LRIG1: variants seen among roughly 807,000 people sequenced by gnomAD.
The protein encoded by LRIG1 is leucine rich repeats and immunoglobulin like domains 1.
A neutral mutation model predicts 99.2 loss-of-function variants in LRIG1; 48 were observed. The observed-to-expected ratio is 0.48, with a 90% CI of 0.38 to 0.62. LRIG1 has a LOEUF of 0.62. LRIG1 is among the 20% of genes least tolerant of loss of function. The pLI is 0.00. For synonymous variants in LRIG1, 772 were observed against 596.1 expected (o/e 1.29, Z -4.30); for missense variants, 1,646 against 1,434.4 (o/e 1.15, Z -2.38).
At position 66,382,997 on chromosome 3, in the gene LRIG1, T is replaced by C. The variant is rs1323597992; in HGVS notation, c.2476A>G (p.Ser826Gly). 3 of 1,612,294 alleles carry C rather than the reference T, an allele frequency of 1.9e-6. No homozygotes were observed. The highest frequency in any genetic ancestry group is 1.1e-5 in the South Asian group (1 of 90,862). The change falls in exon 15 of 19, where the codon AGT becomes GGT. Residue 826 changes from serine to glycine, a missense_variant. Ser to Gly is a moderately conservative substitution (Grantham distance 56, BLOSUM62 0). Transcript: ENST00000273261. ...AGGGCCTGACCTGTGTTGGTGACAC[T>C]GTACTCTTCACTCTTCTTCCTGGTC... ...YQTRKKSEEY[S>G]VTNTDETVVP...
intron 1 of LRIG1, among the ~76,000 whole-genome samples, chr3:66,464,829 G>A (rs146221884): frequency 2.3e-3 from 349 of 152,314 alleles, no homozygotes; most frequent in African/African-American, 8.2e-3. Context: ...TTCCCTTAAA[G>A]AGCAGACAAA....
chr3:66,468,223 T>A (rs1047887132), intron 1 of LRIG1, among the ~76,000 whole-genome samples: 2 of 152,128 alleles, frequency 1.3e-5, no homozygotes, highest in Non-Finnish European at 1.5e-5. Context: ...TACTTTTGAG[T>A]AAGCTGTGGT....
In LRIG1 at chr3:66,386,033, G is replaced by C. The variant is rs747208862; in HGVS notation, c.1737C>G (p.Ile579Met). ...FGHEGRYQCV[I>M]TNHFGSTYSH... The stretch of plus-strand genomic sequence containing the variant: ...AATAGGTGGAGCCAAAGTGGTTGGT[G>C]ATGACACATTGGTAGCGGCCCTCGT... The change falls in exon 13 of 19, where the codon ATC (isoleucine) becomes ATG (methionine). Residue 579 changes from isoleucine to methionine, a missense_variant. Transcript: ENST00000273261. 4 of 1,614,098 alleles carry C rather than the reference G, an allele frequency of 2.5e-6. No individual in the cohort carries two copies. Among genetic ancestry groups the C allele is most frequent in the African/African-American group, 1.3e-5 (1 of 74,938 alleles).
intron 3 of LRIG1, among the ~76,000 whole-genome samples, chr3:66,421,453 A>G (rs911917866): frequency 6.6e-6 from 1 of 152,212 alleles, no homozygotes; most frequent in African/African-American, 2.4e-5. Context: ...AAGGGGCTAC[A>G]GGCTCCATGC....
intron 5 of LRIG1, 55 bp downstream of exon 5, chr3:66,414,865 C>A: frequency 1.3e-6 from 2 of 1,486,894 alleles, no homozygotes; most frequent in Non-Finnish European, 1.8e-6. Context: ...TTGGGGAAAT[C>A]TGGCCTCCAT....
intron 13 of LRIG1, among the ~76,000 whole-genome samples, chr3:66,385,303 C>T (rs1482092111): frequency 6.6e-6 from 1 of 152,194 alleles, no homozygotes; most frequent in East Asian, 1.9e-4. Flanking sequence ...CAGTAGCTAG[C>T]CTCTGACTCC....
Position 66,500,660 on chromosome 3 carries a change from T to C in LRIG1, c.-253A>G. On this transcript the variant is annotated 5_prime_UTR_variant, in exon 1 of 19. Transcript: ENST00000273261. ...GGCCGGCCGGCCCGCCCGCGCTAGC[T>C]GCGAACTCCGCCGATTCGGGCAAGG... 3.7e-6 allele frequency: 1 copy of C among 272,984 alleles called. No homozygotes were observed. The highest frequency in any genetic ancestry group is 6.8e-6 in the Non-Finnish European group (1 of 146,480). The allele number at this position is 272,984 out of a possible 1,614,324, so 16.9% of individuals were successfully genotyped here.
At chr3:66,408,085 G>A (rs11713510) in intron 7 of LRIG1, among the ~76,000 whole-genome samples, 6,120 of 152,222 alleles carry the variant, frequency 0.04, 184 homozygotes, top group Non-Finnish European at 0.063. Context: ...TACTGCAGGC[G>A]GTAAAAGCAC....
intron 3 of LRIG1, among the ~76,000 whole-genome samples, chr3:66,428,116 C>A (rs1380242894): frequency 6.6e-6 from 1 of 152,212 alleles, no homozygotes; most frequent in Non-Finnish European, 1.5e-5. Context: ...TCTGCACTTG[C>A]TTTCTGGTGC....
intron 1 of LRIG1, among the ~76,000 whole-genome samples, chr3:66,477,863 G>C (rs1700758813): frequency 6.6e-6 from 1 of 152,040 alleles, no homozygotes; most frequent in Admixed American, 6.5e-5. Flanking sequence ...TGCACTACAG[G>C]ATAGGAGTGG....
intron 9 of LRIG1, 62 bp downstream of exon 9, chr3:66,405,136 C>T (rs1326119286): frequency 6.8e-6 from 10 of 1,475,014 alleles, no homozygotes; most frequent in Non-Finnish European, 1.9e-6. Flanking sequence ...GCCACAGAAA[C>T]ATCTCCCACC....
intron 2 of LRIG1, among the ~76,000 whole-genome samples, chr3:66,462,141 G>C (rs1422379922): frequency 6.6e-6 from 1 of 152,134 alleles, no homozygotes; most frequent in East Asian, 1.9e-4. Context: ...TACCAGCCCA[G>C]GATGTGTCAC....
chr3:66,400,794 C>G (rs1702022096), intron 9 of LRIG1, among the ~76,000 whole-genome samples: 1 of 152,208 alleles, frequency 6.6e-6, no homozygotes, highest in East Asian at 1.9e-4. Context: ...CTGGGACCTG[C>G]CCACCACACG....
rs1188353738 is a variant in LRIG1 at position 66,500,255 on chromosome 3, C to A, written c.153G>T (p.Ser51=). 6.0e-6 allele frequency: 9 copies of A among 1,508,544 alleles called. No homozygotes were observed. The highest frequency in any genetic ancestry group is 5.3e-6 in the Non-Finnish European group (6 of 1,135,064). 93.4% of individuals were successfully genotyped at this position (1,508,544 alleles called of 1,614,324 possible). ...CCAGCCCGCGCCCACCGCAGTCCAG[C>A]GAGTCCCCAGCGCAAGTGCAGGCGG... ...CAAACTCAGD[S]LDCGGRGLAA... Residue 51 remains serine, a synonymous_variant, in exon 1 of 19, where the codon TCG becomes TCT. Transcript: ENST00000273261.
intron 1 of LRIG1, among the ~76,000 whole-genome samples, chr3:66,493,828 GAA>G (rs1222528665): frequency 8.0e-5 from 6 of 75,106 alleles, no homozygotes; most frequent in Non-Finnish European, 1.0e-4. Context: ...AGGAAAGAAA[GAA>G]AAAAAAGAGA....
chr3:66,479,640 T>C (rs1474101228), intron 1 of LRIG1, among the ~76,000 whole-genome samples: 1 of 152,184 alleles, frequency 6.6e-6, no homozygotes, highest in East Asian at 1.9e-4. Flanking sequence ...AGAAACTGAA[T>C]AGACATTTCT....
intron 3 of LRIG1, among the ~76,000 whole-genome samples, chr3:66,448,324 C>G (rs1177348095): frequency 6.6e-6 from 1 of 152,168 alleles, no homozygotes; most frequent in African/African-American, 2.4e-5. Context: ...CGGCTCAATT[C>G]TGCATAAGCA....
chr3:66,483,375 T>C (rs530415687), intron 1 of LRIG1, among the ~76,000 whole-genome samples: 1 of 152,308 alleles, frequency 6.6e-6, no homozygotes, highest in South Asian at 2.1e-4. Flanking sequence ...GGCCCAGATT[T>C]AGAAATGTAT....
intron 1 of LRIG1, among the ~76,000 whole-genome samples, chr3:66,499,076 G>T (rs1488629382): frequency 2.6e-5 from 4 of 152,198 alleles, no homozygotes; most frequent in Non-Finnish European, 5.9e-5. Flanking sequence ...GACTATTTAA[G>T]CTAGGCCTTT....
Sources: gnomAD v4.1 joint callset for allele counts (sites outside exome capture counted in the v4.1 genomes callset) on GRCh38, gnomAD v4.1.1 for gene constraint, MANE v1.5 for transcripts, NCBI Gene and HGNC (gene_info 2026-07-23, HGNC 2026-07-21) for gene names.